Variants in DCDC2 observed in about 807,000 individuals in gnomAD.
DCDC2 encodes the protein doublecortin domain containing 2.
A neutral mutation model predicts 50.2 loss-of-function variants in DCDC2; 40 were observed. The ratio of observed to expected loss-of-function variants is 0.80; its 90% CI spans 0.62 to 1.04. The LOEUF is 1.04. DCDC2 is among the 50% of genes least tolerant of loss of function. The probability of loss-of-function intolerance (pLI) is 0.00; values close to 1 mark genes in which losing one functional copy is unlikely to be tolerated. For synonymous variants in DCDC2, 234 were observed against 210.6 expected, an observed-to-expected ratio of 1.11 and a Z score of -0.96; for missense variants, 570 against 581.9, an observed-to-expected ratio of 0.98 and a Z score of 0.21.
In DCDC2 at chr6:24,172,970, A is replaced by G. The variant is rs1275850360; in HGVS notation, c.*1760T>C. 2 of 144,568 alleles carry G rather than the reference A, an allele frequency of 1.4e-5. No homozygotes were observed. The highest frequency in any genetic ancestry group is 1.5e-5 in the Non-Finnish European group (1 of 65,768). 9.0% of individuals were successfully genotyped at this position (144,568 alleles called of 1,614,324 possible). On this transcript the variant is annotated 3_prime_UTR_variant, in exon 10 of 10. Coordinates refer to ENST00000378454, the MANE Select transcript of DCDC2 (RefSeq NM_016356.5). ...CACTGCACCCAGCCTGGGCGACAAG[A>G]GCAAGACTTCATCTCAAAAAATAAT...
At chr6:24,317,577 C>A (rs1165356112) in intron 2 of DCDC2, among the ~76,000 whole-genome samples, 2 of 151,904 alleles carry the variant, frequency 1.3e-5, no homozygotes, top group Non-Finnish European at 2.9e-5. Flanking sequence ...CCTCTTTAGC[C>A]TTGGTAAAGA....
At chr6:24,292,535 G>A (rs1220994653) in intron 4 of DCDC2, among the ~76,000 whole-genome samples, 1 of 152,190 alleles carries the variant, frequency 6.6e-6, no homozygotes, top group Non-Finnish European at 1.5e-5. Context: ...CTCCTAACAA[G>A]TCTAAATATC....
chr6:24,307,950 CCTTT>C (rs1201192775), intron 2 of DCDC2, among the ~76,000 whole-genome samples: 4 of 152,036 alleles, frequency 2.6e-5, no homozygotes, highest in Non-Finnish European at 5.9e-5. Context: ...AGTGATGAAC[CCTTT>C]CTAAGGGAGA....
chr6:24,316,052 C>T (rs1212639533), intron 2 of DCDC2, among the ~76,000 whole-genome samples: 2 of 152,130 alleles, frequency 1.3e-5, no homozygotes, highest in Non-Finnish European at 2.9e-5. Context: ...GTCAGGTGGA[C>T]AGTGATGCTG....
intron 7 of DCDC2, among the ~76,000 whole-genome samples, chr6:24,220,891 T>TGAGCGAGCGAGCGAGAGAGC (rs1762095361): frequency 5.1e-5 from 5 of 98,968 alleles, no homozygotes; most frequent in African/African-American, 1.2e-4. Context: ...AGCGAGAGAG[T>TGAGCGAGCGAGCGAGAGAGC]GAGCGAGCGA....
rs975741261 is a variant in DCDC2 at position 24,357,892 on chromosome 6, T to G, written c.-142A>C. The G allele has an allele frequency of 6.5e-7, 1 of 1,549,028 alleles. No homozygotes were observed. On this transcript the variant is annotated 5_prime_UTR_variant, in exon 1 of 10. Transcript: ENST00000378454. ...GACGAATCCACAGGTGAAAGAGAAG[T>G]AACGGCCGTGCGCCTAGGCGTCCAC...
At position 24,178,372 on chromosome 6, in the gene DCDC2, G is replaced by A. The variant is rs750357959; in HGVS notation, c.1284C>T (p.Asp428=). 2.3e-5 allele frequency: 37 copies of A among 1,613,996 alleles called. No homozygotes were observed. The East Asian group carries it at 8.2e-4, about 36-fold the overall frequency. Residue 428 remains aspartate, a synonymous_variant, in exon 9 of 10, where the codon GAC becomes GAT. Transcript: ENST00000378454. The part of the protein sequence containing the change: ...QVNNELQLVL[D]KERKSQGAGS... ...CAGCTCCTTGAGACTTTCTTTCCTTGTCTAGGACCAGTTGAAGCTCATTAT... is the reference window on the plus strand; with the variant it reads ...CAGCTCCTTGAGACTTTCTTTCCTTATCTAGGACCAGTTGAAGCTCATTAT...
intron 7 of DCDC2, among the ~76,000 whole-genome samples, chr6:24,231,177 C>T (rs1211339311): frequency 6.6e-6 from 1 of 152,200 alleles, no homozygotes; most frequent in Non-Finnish European, 1.5e-5. Context: ...TTCTCAGCAT[C>T]GCTGTTGTCA....
At chr6:24,228,753 T>C (rs1762283507) in intron 7 of DCDC2, among the ~76,000 whole-genome samples, 1 of 152,190 alleles carries the variant, frequency 6.6e-6, no homozygotes, top group South Asian at 2.1e-4. Context: ...CAGGCTCTGA[T>C]GGAATAATCA....
At position 24,357,544 on chromosome 6, in the gene DCDC2, C is replaced by A. The variant is rs1760496939; in HGVS notation, c.207G>T (p.Arg69=). The A allele has an allele frequency of 6.2e-7, 1 of 1,613,440 alleles. No individual in the cohort carries two copies. Among genetic ancestry groups the A allele is most frequent in the Admixed American group, 1.7e-5 (1 of 60,014 alleles). Residue 69 remains arginine (R), a synonymous_variant, in exon 1 of 10, where the codon CGG becomes CGT. Transcript: ENST00000378454. ...CTAGCTTCCGGATTCGGTGGCCAGTCCGCGGGGTGTAGATGTTCCTGACGG... is the reference window on the plus strand; with the variant it reads ...CTAGCTTCCGGATTCGGTGGCCAGTACGCGGGGTGTAGATGTTCCTGACGG... The part of the protein sequence containing the change: ...FGAVRNIYTP[R]TGHRIRKLDQ...
chr6:24,318,785 G>GTGTGTGTGTGTGTGTGTC (rs2113850235), intron 2 of DCDC2, among the ~76,000 whole-genome samples: 1 of 152,034 alleles, frequency 6.6e-6, no homozygotes, highest in African/African-American at 2.4e-5. Flanking sequence ...ACGTACGTGT[G>GTGTGTGTGTGTGTGTGTC]TGTGTGTGTG....
intron 7 of DCDC2, among the ~76,000 whole-genome samples, chr6:24,255,034 G>A (rs1242703606): frequency 6.6e-6 from 1 of 152,068 alleles, no homozygotes; most frequent in East Asian, 1.9e-4. Flanking sequence ...AACTGAATAT[G>A]CTGAAGGATT....
chr6:24,288,978 A>AC (rs1763679250), intron 5 of DCDC2, 72 bp from the exon 6 acceptor site: 1 of 1,181,152 alleles, frequency 8.5e-7, no homozygotes, highest in Non-Finnish European at 1.2e-6. Flanking sequence ...GATAATTATC[A>AC]TCCCCACCTG....
At chr6:24,215,816 C>T (rs1390063638) in intron 7 of DCDC2, among the ~76,000 whole-genome samples, 4 of 152,132 alleles carry the variant, frequency 2.6e-5, no homozygotes, top group East Asian at 1.9e-4. Context: ...CTCTGCACAC[C>T]GCAGGTCCTG....
intron 7 of DCDC2, among the ~76,000 whole-genome samples, chr6:24,244,742 T>G (rs1762635195): frequency 6.6e-6 from 1 of 152,242 alleles, no homozygotes; most frequent in African/African-American, 2.4e-5. Context: ...CTGGCAGTGG[T>G]CTGTGTTCCA....
At chr6:24,267,535 G>A (rs554704168) in intron 7 of DCDC2, among the ~76,000 whole-genome samples, 1 of 152,230 alleles carries the variant, frequency 6.6e-6, no homozygotes, top group Admixed American at 6.5e-5. Context: ...CAGACTTGCT[G>A]GGTCTCAAAA....
chr6:24,376,508 G>A, the DCDC2 span, among the ~76,000 whole-genome samples: 7 of 152,306 alleles, frequency 4.6e-5, no homozygotes, highest in Middle Eastern at 3.4e-3. Flanking sequence ...AAGGGTGCTA[G>A]AGTGGAGAAT....
At chr6:24,363,698 T>A in the DCDC2 span, among the ~76,000 whole-genome samples, 1 of 152,194 alleles carries the variant, frequency 6.6e-6, no homozygotes, top group South Asian at 2.1e-4. Context: ...CTATCAATTC[T>A]ATCTCTCAAA....
chr6:24,290,309 T>C (rs1763718506), intron 5 of DCDC2, among the ~76,000 whole-genome samples: 1 of 152,072 alleles, frequency 6.6e-6, no homozygotes, highest in Non-Finnish European at 1.5e-5. Flanking sequence ...TCTTCTTGAG[T>C]GACTCCGCAG....
Sources: allele counts gnomAD v4.1 joint callset (sites outside exome capture counted in the v4.1 genomes callset), GRCh38; gene constraint gnomAD v4.1.1; transcripts MANE v1.5; gene names NCBI Gene and HGNC (gene_info 2026-07-23, HGNC 2026-07-21).